The following BABAM2 variants were observed in gnomAD, a reference collection of about 807,000 sequenced individuals.
The protein encoded by BABAM2 is BRISC and BRCA1 A complex member 2.
A neutral mutation model predicts 54.7 loss-of-function variants in BABAM2; 31 were observed. The observed-to-expected ratio is 0.57, with a 90% CI of 0.43 to 0.77. The LOEUF is 0.77. Among genes scored for constraint, BABAM2 ranks in the 30% least tolerant of loss-of-function variants. BABAM2 has a pLI of 0.00. For missense variants in BABAM2, 364 were observed against 455.8 expected, an observed-to-expected ratio of 0.80 and a Z score of 1.83; for synonymous variants, 167 against 162.9, an observed-to-expected ratio of 1.03 and a Z score of -0.19.
At chr2:27,918,928 G>T (rs1667168110) in intron 2 of BABAM2, among the ~76,000 whole-genome samples, 1 of 152,080 alleles carries the variant, frequency 6.6e-6, no homozygotes, top group African/African-American at 2.4e-5. Flanking sequence ...GAGCTCAAGT[G>T]ATCCACCTGA....
At chr2:27,906,473 A>T (rs531335507) in intron 2 of BABAM2, among the ~76,000 whole-genome samples, 124 of 152,318 alleles carry the variant, frequency 8.1e-4, no homozygotes, top group African/African-American at 3.0e-3. Flanking sequence ...GTGCTCTTGC[A>T]TATGGTGTTT....
intron 11 of BABAM2, among the ~76,000 whole-genome samples, chr2:28,315,421 T>TTTCTC (rs1553365600): frequency 9.1e-6 from 1 of 110,180 alleles, no homozygotes; most frequent in East Asian, 2.5e-4. Context: ...GTGTGGTTCT[T>TTTCTC]TTTTCTTTTC....
At chr2:28,104,616 T>G (rs866709337) in intron 6 of BABAM2, among the ~76,000 whole-genome samples, 37 of 152,198 alleles carry the variant, frequency 2.4e-4, no homozygotes, top group African/African-American at 8.9e-4. Context: ...TCAACCATTG[T>G]GGAAGACAGT....
At chr2:28,160,106 C>G (rs915401244) in intron 7 of BABAM2, among the ~76,000 whole-genome samples, 1 of 152,086 alleles carries the variant, frequency 6.6e-6, no homozygotes, top group African/African-American at 2.4e-5. Context: ...ATGAGCCTTC[C>G]AAGTAGCTGG....
intron 6 of BABAM2, among the ~76,000 whole-genome samples, chr2:28,060,673 T>A (rs983550411): frequency 1.2e-4 from 18 of 152,316 alleles, no homozygotes; most frequent in Non-Finnish European, 2.6e-4. Context: ...ATAAAATCAA[T>A]TATATTTCTA....
chr2:28,116,073 C>G (rs1668587869), intron 6 of BABAM2, among the ~76,000 whole-genome samples: 1 of 151,758 alleles, frequency 6.6e-6, no homozygotes, highest in Non-Finnish European at 1.5e-5. Flanking sequence ...CAAGATCACA[C>G]CATTGCACTC....
In BABAM2 at chr2:28,013,494, T is replaced by G. The variant is rs1189907039; in HGVS notation, c.301-11732T>G. On this transcript the variant is annotated intron_variant, in intron 4 of 11. Coordinates refer to ENST00000379624, the MANE Select transcript of BABAM2 (RefSeq NM_199191.3). ...ACAAACTTTTATGGGAAAGTGGTTTTTCAGCTACAAAGGTATTTGTGCATT... is the reference window on the plus strand; with the variant it reads ...ACAAACTTTTATGGGAAAGTGGTTTGTCAGCTACAAAGGTATTTGTGCATT... 1.2e-5 allele frequency: 5 copies of G among 431,188 alleles called. No homozygotes were observed. In the East Asian group the frequency reaches 3.6e-4, roughly 31 times the overall value. 26.7% of individuals were successfully genotyped at this position (431,188 alleles called of 1,614,324 possible).
At chr2:28,229,922 T>A (rs965598858) in intron 7 of BABAM2, among the ~76,000 whole-genome samples, 9 of 152,222 alleles carry the variant, frequency 5.9e-5, no homozygotes, top group African/African-American at 1.9e-4. Flanking sequence ...AATGGTGTAT[T>A]TTTAAAGTTA....
intron 3 of BABAM2, among the ~76,000 whole-genome samples, chr2:27,945,912 A>G (rs1297535002): frequency 2.0e-5 from 3 of 151,778 alleles, no homozygotes; most frequent in Admixed American, 2.0e-4. Context: ...TATTAATTCT[A>G]ATAATTTTTT....
chr2:28,249,236 G>A (rs1163638530), intron 10 of BABAM2, among the ~76,000 whole-genome samples: 1 of 151,824 alleles, frequency 6.6e-6, no homozygotes, highest in Non-Finnish European at 1.5e-5. Context: ...CTACAGGCAT[G>A]TGCCACCATG....
At chr2:28,115,182 AACAC>A (rs35506654) in intron 6 of BABAM2, among the ~76,000 whole-genome samples, 3,240 of 142,270 alleles carry the variant, frequency 0.023, 65 homozygotes, top group East Asian at 0.084. Context: ...ATAACTTTAA[AACAC>A]ACACACACAC....
chr2:28,112,075 AC>A (rs894486466), intron 6 of BABAM2, among the ~76,000 whole-genome samples: 4 of 132,208 alleles, frequency 3.0e-5, no homozygotes, highest in Non-Finnish European at 6.7e-5. Flanking sequence ...TTCTTGAGAT[AC>A]CCATTACTCT....
chr2:28,023,945 A>T (rs1675453914), intron 4 of BABAM2, among the ~76,000 whole-genome samples: 1 of 152,172 alleles, frequency 6.6e-6, no homozygotes, highest in Admixed American at 6.5e-5. Context: ...TTAAGATATT[A>T]TGGCATCTTT....
chr2:28,199,684 A>C (rs1678039500), intron 7 of BABAM2, among the ~76,000 whole-genome samples: 1 of 152,178 alleles, frequency 6.6e-6, no homozygotes. Flanking sequence ...GCAAGTGAGG[A>C]ACAGAAAACG....
At chr2:28,026,843 A>AT (rs1675759919) in intron 5 of BABAM2, among the ~76,000 whole-genome samples, 7 of 40,650 alleles carry the variant, frequency 1.7e-4, no homozygotes, top group African/African-American at 7.3e-4. Context: ...AATATATATA[A>AT]ATATATATTT....
At chr2:28,028,396 C>A (rs942250599) in intron 5 of BABAM2, among the ~76,000 whole-genome samples, 1 of 151,670 alleles carries the variant, frequency 6.6e-6, no homozygotes, top group Non-Finnish European at 1.5e-5. Flanking sequence ...CACACCTACA[C>A]CCCCCGCCCC....
chr2:28,090,167 A>G (rs1666036538), intron 6 of BABAM2, among the ~76,000 whole-genome samples: 1 of 152,214 alleles, frequency 6.6e-6, no homozygotes, highest in South Asian at 2.1e-4. Flanking sequence ...GGTAGTAATC[A>G]TGACATAGCC....
chr2:28,337,638 A>G (rs897135005), intron 11 of BABAM2, among the ~76,000 whole-genome samples: 1 of 152,214 alleles, frequency 6.6e-6, no homozygotes, highest in East Asian at 1.9e-4. Context: ...CTTTCTTTCC[A>G]GTAGACCAGA....
intron 7 of BABAM2, among the ~76,000 whole-genome samples, chr2:28,132,551 C>G (rs1286820075): frequency 1.3e-5 from 2 of 152,154 alleles, no homozygotes; most frequent in East Asian, 3.8e-4. Context: ...TTGAAGTTTT[C>G]TTACATTGCC....
Sources: allele counts gnomAD v4.1 joint callset (sites outside exome capture counted in the v4.1 genomes callset), GRCh38; gene constraint gnomAD v4.1.1; transcripts MANE v1.5; gene names NCBI Gene and HGNC (gene_info 2026-07-23, HGNC 2026-07-21).